TTLL11: variants seen among roughly 807,000 people sequenced by gnomAD.
TTLL11 encodes the protein tubulin tyrosine ligase like 11, also known as tubulin polyglutamylase TTLL11.
A neutral mutation model predicts 51.7 loss-of-function variants in TTLL11; 42 were observed. The observed-to-expected ratio is 0.81, with a 90% CI of 0.64 to 1.05. The LOEUF is 1.05. TTLL11 is among the 50% of genes least tolerant of loss of function. The probability of loss-of-function intolerance (pLI) is 0.00; values close to 1 mark genes in which losing one functional copy is unlikely to be tolerated. For synonymous variants in TTLL11, 381 were observed against 383.5 expected (o/e 0.99, Z 0.08); for missense variants, 799 against 940.4 (o/e 0.85, Z 1.97).
chr9:121,968,601 G>A (rs1330994515), intron 6 of TTLL11, among the ~76,000 whole-genome samples: 1 of 152,088 alleles, frequency 6.6e-6, no homozygotes, highest in African/African-American at 2.4e-5. Context: ...TCTGTTGCCA[G>A]GCCGGAGTGC....
intron 8 of TTLL11, among the ~76,000 whole-genome samples, chr9:121,826,727 G>C (rs747564095): frequency 1.3e-5 from 2 of 151,776 alleles, no homozygotes; most frequent in Non-Finnish European, 2.9e-5. Context: ...GGTAGAACCT[G>C]CAGGAAACAC....
At chr9:121,917,234 C>T (rs1373597184) in intron 6 of TTLL11, among the ~76,000 whole-genome samples, 4 of 151,520 alleles carry the variant, frequency 2.6e-5, no homozygotes, top group South Asian at 2.1e-4. Flanking sequence ...TTTGAGAGGC[C>T]GAGGTAAGAG....
intron 6 of TTLL11, among the ~76,000 whole-genome samples, chr9:121,915,982 C>CACACAT (rs1840306816): frequency 1.2e-5 from 1 of 80,134 alleles, no homozygotes; most frequent in Non-Finnish European, 2.6e-5. Flanking sequence ...TAGACAAAGA[C>CACACAT]ACACACATAC....
In TTLL11 at chr9:121,822,000, CA is replaced by C. The variant is rs1836590942; in HGVS notation, c.*586del. On this transcript the variant is annotated 3_prime_UTR_variant, in exon 9 of 9. Transcript: ENST00000321582. This position sits in a 1 kb window ranked among gnomAD's most constrained non-coding sequence, Gnocchi z 5.0. ...TAATTAATTTTTTCTTAATTAATAA[CA>C]AACCAAATATTGCAGCAACAGGCAA... The C allele has an allele frequency of 6.6e-6, 1 of 152,180 alleles. No individual in the cohort carries two copies. Among genetic ancestry groups the C allele is most frequent in the Admixed American group, 6.5e-5 (1 of 15,284 alleles). The allele number at this position is 152,180 out of a possible 1,614,324, so 9.4% of individuals were successfully genotyped here.
At chr9:122,048,813 C>T (rs1161940722) in intron 1 of TTLL11, among the ~76,000 whole-genome samples, 1 of 152,166 alleles carries the variant, frequency 6.6e-6, no homozygotes, top group Non-Finnish European at 1.5e-5. Context: ...TTGTCTGTGG[C>T]CTCTGTCGCT....
chr9:121,867,025 C>G (rs979672739), intron 7 of TTLL11, among the ~76,000 whole-genome samples: 29 of 152,122 alleles, frequency 1.9e-4, no homozygotes, highest in African/African-American at 6.5e-4. Context: ...AGATTTGTGG[C>G]TATATTTTTG....
chr9:121,964,773 T>A (rs1053936019), intron 6 of TTLL11, among the ~76,000 whole-genome samples: 1 of 152,138 alleles, frequency 6.6e-6, no homozygotes, highest in Non-Finnish European at 1.5e-5. Context: ...CTCCTTCCCC[T>A]CATTTTCATA....
At chr9:121,948,601 T>G (rs888786187) in intron 6 of TTLL11, among the ~76,000 whole-genome samples, 1 of 151,990 alleles carries the variant, frequency 6.6e-6, no homozygotes, top group East Asian at 1.9e-4. Context: ...CTGGATGAGG[T>G]AGGTATGGTC....
At chr9:121,827,888 C>G (rs913816335) in intron 8 of TTLL11, among the ~76,000 whole-genome samples, 1 of 152,208 alleles carries the variant, frequency 6.6e-6, no homozygotes, top group Non-Finnish European at 1.5e-5. Context: ...TGGGGTTCCC[C>G]CTGAGAGTCA....
At chr9:121,927,416 C>A (rs534125905) in intron 6 of TTLL11, among the ~76,000 whole-genome samples, 4 of 152,296 alleles carry the variant, frequency 2.6e-5, no homozygotes, top group Admixed American at 6.5e-5. Flanking sequence ...TCAACAAAAT[C>A]AGCACCATGA....
chr9:122,055,203 G>GGATAGACA (rs1845258647), intron 1 of TTLL11, among the ~76,000 whole-genome samples: 1 of 144,652 alleles, frequency 6.9e-6, no homozygotes, highest in Non-Finnish European at 1.5e-5. Flanking sequence ...AGGACTAATA[G>GGATAGACA]GATAGATAGA....
In TTLL11 at chr9:122,090,295, T is replaced by C. The variant is rs1588271966; in HGVS notation, c.462+2392A>G. ...ACTTGCCCTGATAAATGGAAGAACA[T>C]CAAAATTCTGTTAATGGCTCACATA... On this transcript the variant is annotated intron_variant, in intron 1 of 8. Transcript: ENST00000321582. 3.3e-5 allele frequency among the ~76,000 whole-genome samples: 5 copies of C among 152,172 alleles called. No homozygotes were observed. The South Asian group carries it at 1.0e-3, about 32-fold the overall frequency.
At chr9:122,048,384 C>T (rs1300273943) in intron 1 of TTLL11, among the ~76,000 whole-genome samples, 1 of 152,160 alleles carries the variant, frequency 6.6e-6, no homozygotes, top group East Asian at 1.9e-4. Flanking sequence ...CCAGGCTGGT[C>T]TCAAACTCCT....
Position 121,989,770 on chromosome 9 carries a change from C to A in TTLL11, c.694G>T (p.Val232Phe), listed in dbSNP as rs561966942. The A allele has an allele frequency of 8.8e-6, 14 of 1,587,420 alleles. No individual in the cohort carries two copies. The South Asian group carries it at 1.5e-4, about 17-fold the overall frequency. The change falls in exon 4 of 9, where the codon GTT becomes TTT. Residue 232 changes from valine (V) to phenylalanine (F), a missense_variant and splice_region_variant. Coordinates refer to ENST00000321582, the MANE Select transcript of TTLL11 (RefSeq NM_001139442.2). This position sits in a 1 kb window ranked among gnomAD's most constrained non-coding sequence, Gnocchi z 4.2. ...PDEFQLFVAQVQMVKDDDPSW... is the reference protein window; with the variant it reads ...PDEFQLFVAQFQMVKDDDPSW... ...GGGTCATCGTCTTTCACCATTTGAA[C>A]CTGGAGGGGGAAAAAAGGATGGCCG...
At chr9:122,012,658 A>G (rs1843836892) in intron 3 of TTLL11, among the ~76,000 whole-genome samples, 2 of 121,566 alleles carry the variant, frequency 1.6e-5, no homozygotes, top group South Asian at 4.5e-4. Context: ...AGGAAAAAAT[A>G]CACATACACA....
At chr9:121,933,435 G>A (rs1841070812) in intron 6 of TTLL11, among the ~76,000 whole-genome samples, 1 of 152,180 alleles carries the variant, frequency 6.6e-6, no homozygotes, top group Non-Finnish European at 1.5e-5. Flanking sequence ...AAAGACGGTA[G>A]TTTGAGGGAG....
At chr9:121,908,250 T>G (rs1405610983) in intron 6 of TTLL11, among the ~76,000 whole-genome samples, 2 of 152,236 alleles carry the variant, frequency 1.3e-5, no homozygotes, top group Non-Finnish European at 2.9e-5. Context: ...CCCATTCCCC[T>G]GGAACAATCT....
rs182352308 is a variant in TTLL11 at position 122,069,090 on chromosome 9, G to A, written c.462+23597C>T. ...ACATTTGGGCCTACTCGTTACAACC[G>A]TTTATCCTACTCAAGTGAATACACA... On this transcript the variant is annotated intron_variant, in intron 1 of 8. Transcript: ENST00000321582. 2.5e-3 allele frequency among the ~76,000 whole-genome samples: 384 copies of A among 151,552 alleles called. 2 individuals carry two copies. Among genetic ancestry groups the A allele is most frequent in the African/African-American group, 8.7e-3 (360 of 41,538 alleles).
chr9:121,824,453 C>A (rs950600531), intron 8 of TTLL11, among the ~76,000 whole-genome samples: 2 of 131,494 alleles, frequency 1.5e-5, no homozygotes, highest in East Asian at 2.2e-4. Flanking sequence ...TCCAGCCTGG[C>A]GACAGACAGA....
Sources: gnomAD v4.1 joint callset for allele counts (sites outside exome capture counted in the v4.1 genomes callset) on GRCh38, gnomAD v4.1.1 for gene constraint, Gnocchi (gnomAD v3.1) non-coding constraint, MANE v1.5 for transcripts, NCBI Gene and HGNC (gene_info 2026-07-23, HGNC 2026-07-21) for gene names.